Variants in JCHAIN observed in about 807,000 individuals in gnomAD.
The protein encoded by JCHAIN is joining chain of multimeric IgA and IgM.
In JCHAIN, 5 loss-of-function variants were observed where a neutral mutation model predicts 11.1. The ratio of observed to expected loss-of-function variants is 0.45; its 90% CI spans 0.24 to 0.95. The LOEUF (loss-of-function observed/expected upper bound fraction) is 0.95, where lower values mean the gene tolerates loss of function less well. JCHAIN is among the 40% of genes least tolerant of loss of function. The pLI is 0.21. For synonymous variants in JCHAIN, 51 were observed against 67.8 expected (o/e 0.75, Z 1.22); for missense variants, 165 against 192.7 (o/e 0.86, Z 0.85).
rs189656344 is a variant in JCHAIN, at chr4:70,664,828, G to A, written c.64+1599C>T. On this transcript the variant is annotated intron_variant, in intron 1 of 3. Transcript: ENST00000254801. ...ATAGAAAATGTCTATATTCTATTACGGCATATGATTACTTCCTTACCAGAA... is the reference window on the plus strand; with the variant it reads ...ATAGAAAATGTCTATATTCTATTACAGCATATGATTACTTCCTTACCAGAA... 2.0e-5 allele frequency among the ~76,000 whole-genome samples: 3 copies of A among 152,106 alleles called. No homozygotes were observed. In the East Asian group the frequency reaches 5.8e-4, roughly 29 times the overall value.
intron 2 of JCHAIN, 143 bp downstream of exon 2, chr4:70,661,949 A>G (rs1349192528): frequency 2.7e-6 from 2 of 728,694 alleles, no homozygotes; most frequent in Non-Finnish European, 4.5e-6. Context: ...AAGCTCATTC[A>G]TAAGACTCAA....
At chr4:70,659,279 G>C (rs1739009651) in intron 2 of JCHAIN, among the ~76,000 whole-genome samples, 1 of 152,066 alleles carries the variant, frequency 6.6e-6, no homozygotes, top group Non-Finnish European at 1.5e-5. Flanking sequence ...GCTCGGCATG[G>C]TGGCTCACGC....
intron 2 of JCHAIN, among the ~76,000 whole-genome samples, chr4:70,661,158 A>G (rs1360804173): frequency 6.6e-6 from 1 of 152,226 alleles, no homozygotes; most frequent in Non-Finnish European, 1.5e-5. Context: ...TTGATTGGGG[A>G]AAAACTATTA....
intron 1 of JCHAIN, chr4:70,664,270 T>G (rs1343401310): frequency 6.6e-6 from 1 of 152,002 alleles, no homozygotes; most frequent in Admixed American, 6.6e-5. Context: ...TGATGTTAAA[T>G]ATGCTTTATT....
chr4:70,665,384 A>G (rs1383004110), intron 1 of JCHAIN, among the ~76,000 whole-genome samples: 1 of 152,198 alleles, frequency 6.6e-6, no homozygotes, highest in Non-Finnish European at 1.5e-5. Context: ...TTAGCATGAT[A>G]CCTAGAATAT....
intron 2 of JCHAIN, among the ~76,000 whole-genome samples, 200 bp from the exon 3 acceptor site, chr4:70,657,491 C>T (rs2148527492): frequency 6.6e-6 from 1 of 152,238 alleles, no homozygotes; most frequent in East Asian, 1.9e-4. Flanking sequence ...AAATAAACCT[C>T]ACAACAACTC....
rs1209409722 is a variant in JCHAIN, at chr4:70,662,143, C to A, written c.137G>T (p.Arg46Leu). Residue 46 changes from arginine (R) to leucine (L), a missense_variant, in exon 2 of 4, where the codon CGT becomes CTT. Physicochemically the swap from Arg to Leu is moderately radical, Grantham distance 102 (BLOSUM62 -2). Coordinates refer to ENST00000254801, the MANE Select transcript of JCHAIN (RefSeq NM_144646.4). ...GTCCTCATTAGGATCTTCGGAAGAACGGATGATCCTGGAAGTAATCCGGGC... is the reference window on the plus strand; with the variant it reads ...GTCCTCATTAGGATCTTCGGAAGAAAGGATGATCCTGGAAGTAATCCGGGC... ...KCARITSRIIRSSEDPNEDIV... is the reference protein window; with the variant it reads ...KCARITSRIILSSEDPNEDIV... The A allele has an allele frequency of 6.2e-7, 1 of 1,613,284 alleles. No homozygotes were observed. The highest frequency in any genetic ancestry group is 8.5e-7 in the Non-Finnish European group (1 of 1,179,252).
intron 1 of JCHAIN, chr4:70,665,765 A>T (rs1237660007): frequency 1.2e-5 from 2 of 165,250 alleles, no homozygotes; most frequent in Non-Finnish European, 1.3e-5. Context: ...TTCTGTCATT[A>T]TTCATCTTGA....
rs772161700 is a variant in JCHAIN, at chr4:70,657,198, A to G, written c.269+13T>C. ...TCCACATCTATATTACTATGGAAAA[A>G]AATATATCTTACAGGTCAGACAAAT... On this transcript the variant is annotated intron_variant, in intron 3 of 3. Transcript: ENST00000254801. The G allele has an allele frequency of 6.7e-7, 1 of 1,489,574 alleles. No homozygotes were observed. The highest frequency in any genetic ancestry group is 1.1e-5 in the South Asian group (1 of 87,038). The allele number at this position is 1,489,574 out of a possible 1,614,324, so 92.3% of individuals were successfully genotyped here.
chr4:70,658,080 C>T (rs1042899401), intron 2 of JCHAIN, among the ~76,000 whole-genome samples: 4 of 152,146 alleles, frequency 2.6e-5, no homozygotes, highest in African/African-American at 9.7e-5. Context: ...TAAATACCAT[C>T]CAAGCCAAAA....
At chr4:70,665,929 C>G in intron 1 of JCHAIN, 1 of 312,028 alleles carries the variant, frequency 3.2e-6, no homozygotes, top group South Asian at 2.6e-5. Context: ...AACAAAAGTT[C>G]AGTCATCAAT....
intron 1 of JCHAIN, 83 bp downstream of exon 1, chr4:70,666,344 T>C: frequency 1.1e-6 from 1 of 941,600 alleles, no homozygotes; most frequent in Non-Finnish European, 1.7e-6. Flanking sequence ...AACCAAAGCA[T>C]AGGCATAAAT....
In JCHAIN at chr4:70,656,458, GTCT is replaced by G; in HGVS notation, c.348_350del (p.Glu116del). 6.2e-7 allele frequency: 1 copy of G among 1,613,330 alleles called. No individual in the cohort carries two copies. Among genetic ancestry groups the G allele is most frequent in the Non-Finnish European group, 8.5e-7 (1 of 1,179,254 alleles). On this transcript the variant is annotated inframe_deletion, in exon 4 of 4. Coordinates refer to ENST00000254801, the MANE Select transcript of JCHAIN (RefSeq NM_144646.4). ...AAGTGTAGCAGGTCTCTGTAGCACT[GTCT>G]TCATCACAGATATTGCTCTGGGTAG...
chr4:70,663,736 T>C (rs1045147828), intron 1 of JCHAIN, among the ~76,000 whole-genome samples: 1 of 151,016 alleles, frequency 6.6e-6, no homozygotes, highest in African/African-American at 2.4e-5. Flanking sequence ...AATTTTTGTA[T>C]TTTTAGTAGA....
In JCHAIN at chr4:70,659,549, C is replaced by CAAAAAAAAAAA. The variant is rs35627461; in HGVS notation, c.189-2269_189-2259dup. 4.2e-4 allele frequency among the ~76,000 whole-genome samples: 7 copies of CAAAAAAAAAAA among 16,552 alleles called. 2 individuals carry two copies. Among genetic ancestry groups the CAAAAAAAAAAA allele is most frequent in the African/African-American group, 8.3e-4 (3 of 3,624 alleles). The allele number at this position is 16,552 out of a possible 152,430, so 10.9% of individuals were successfully genotyped here. On this transcript the variant is annotated intron_variant, in intron 2 of 3. Coordinates refer to ENST00000254801, the MANE Select transcript of JCHAIN (RefSeq NM_144646.4). Reference sequence around the variant, plus strand: ...TGGGCAACAGAGTGAGACTCTGTCTCAAAAAAAAAAAAAAAAAAAAAAAAA... The same window carrying CAAAAAAAAAAA: ...TGGGCAACAGAGTGAGACTCTGTCTCAAAAAAAAAAAAAAAAAAAAAAAAAAAAAAAAAAAA...
chr4:70,656,062 C>T lies in JCHAIN; in HGVS notation c.*267G>A. ...TTGTTTAATGCTAGAAACTGTATTC[C>T]TAAGAGAGCATACCTCTTTCAGGTG... On this transcript the variant is annotated 3_prime_UTR_variant, in exon 4 of 4. Coordinates refer to ENST00000254801, the MANE Select transcript of JCHAIN (RefSeq NM_144646.4). 2 of 348,340 alleles carry T rather than the reference C, an allele frequency of 5.7e-6. No homozygotes were observed. Among genetic ancestry groups the T allele is most frequent in the Non-Finnish European group, 1.0e-5 (2 of 192,530 alleles). 21.6% of individuals were successfully genotyped at this position (348,340 alleles called of 1,614,324 possible).
chr4:70,657,331 T>G (rs1738968265), intron 2 of JCHAIN, 40 bp from the exon 3 acceptor site: 1 of 1,238,154 alleles, frequency 8.1e-7, no homozygotes, highest in Non-Finnish European at 1.2e-6. Context: ...AACAATGAAA[T>G]GCAGATATTG....
chr4:70,665,006 T>G (rs189403293), intron 1 of JCHAIN, among the ~76,000 whole-genome samples: 1 of 152,316 alleles, frequency 6.6e-6, no homozygotes, highest in East Asian at 1.9e-4. Context: ...AACAAACCTG[T>G]TATTAGGGAC....
At chr4:70,666,361 A>T in intron 1 of JCHAIN, 66 bp downstream of exon 1, 1 of 1,182,996 alleles carries the variant, frequency 8.5e-7, no homozygotes. Flanking sequence ...AAATGTTTAA[A>T]ACTGAAAAAC....
Sources: gnomAD v4.1 joint callset for allele counts (sites outside exome capture counted in the v4.1 genomes callset) on GRCh38, gnomAD v4.1.1 for gene constraint, MANE v1.5 for transcripts, NCBI Gene and HGNC (gene_info 2026-07-23, HGNC 2026-07-21) for gene names.